Variants in PTPRZ1 observed in about 807,000 individuals in gnomAD.
PTPRZ1 encodes the protein protein tyrosine phosphatase receptor type Z1.
A neutral mutation model predicts 214.1 loss-of-function variants in PTPRZ1; 82 were observed. That is an observed-to-expected ratio of 0.38 (90% CI 0.32 to 0.46). The LOEUF (loss-of-function observed/expected upper bound fraction) is 0.46. PTPRZ1 is among the 20% of genes least tolerant of loss of function. The pLI is 1.00. For synonymous variants in PTPRZ1, 945 were observed against 987.9 expected (o/e 0.96, Z 0.81); for missense variants, 2,603 against 2,748.7 (o/e 0.95, Z 1.19).
chr7:121,976,408 A>G (rs911552915), intron 5 of PTPRZ1, 140 bp downstream of exon 5: 4 of 561,802 alleles, frequency 7.1e-6, no homozygotes, highest in Non-Finnish European at 1.2e-5. Context: ...TCAAAAAAAG[A>G]TGACCCTTGC....
intron 23 of PTPRZ1, among the ~76,000 whole-genome samples, chr7:122,047,585 A>T (rs949066421): frequency 2.0e-5 from 3 of 151,670 alleles, no homozygotes; most frequent in Non-Finnish European, 2.9e-5. Flanking sequence ...GGTTTCTATT[A>T]TCTGTGAAGA....
At chr7:122,050,165 G>A (rs143718329) in intron 23 of PTPRZ1, among the ~76,000 whole-genome samples, 66 of 151,976 alleles carry the variant, frequency 4.3e-4, no homozygotes, top group African/African-American at 1.5e-3. Flanking sequence ...ATATTGGGTT[G>A]GGCACAGTAG....
chr7:121,901,823 C>T (rs985035743), intron 1 of PTPRZ1, among the ~76,000 whole-genome samples: 2 of 152,136 alleles, frequency 1.3e-5, no homozygotes, highest in South Asian at 4.1e-4. Flanking sequence ...AGCATACCCA[C>T]CACCTCAAAC....
Position 122,010,911 on chromosome 7 carries a change from T to G in PTPRZ1, c.1865T>G (p.Leu622Arg), listed in dbSNP as rs776457457. The stretch of plus-strand genomic sequence containing the variant: ...CCAGAGACAATAACATATGATGTCC[T>G]TATACCAGAATCTGCTAGAAATGCT... The part of the protein sequence containing the change: ...ENPETITYDV[L>R]IPESARNASE... The change falls in exon 12 of 30, where the codon CTT (leucine) becomes CGT (arginine). Residue 622 changes from leucine (L) to arginine (R), a missense_variant. Physicochemically the swap from Leu to Arg is moderately radical, Grantham distance 102. This residue lies in a region of PTPRZ1 where 1,913 missense variants were observed against 1,914.3 expected (regional missense o/e 1.00). Transcript: ENST00000393386. 1 of 1,614,122 alleles carries G rather than the reference T, an allele frequency of 6.2e-7. No homozygotes were observed.
At chr7:122,001,761 G>A (rs1798332680) in intron 10 of PTPRZ1, among the ~76,000 whole-genome samples, 1 of 151,864 alleles carries the variant, frequency 6.6e-6, no homozygotes, top group African/African-American at 2.4e-5. Flanking sequence ...AACATTACAT[G>A]TGTCCCAAAA....
intron 1 of PTPRZ1, among the ~76,000 whole-genome samples, chr7:121,906,985 A>G (rs1159984140): frequency 1.3e-5 from 2 of 152,172 alleles, no homozygotes; most frequent in Admixed American, 6.6e-5. Flanking sequence ...TCACAGAACA[A>G]GATTCCTCGG....
chr7:121,912,778 G>A (rs1795316056), intron 1 of PTPRZ1, among the ~76,000 whole-genome samples: 1 of 152,090 alleles, frequency 6.6e-6, no homozygotes, highest in Non-Finnish European at 1.5e-5. Context: ...GTTAAAAGGT[G>A]AAGAGGAGGG....
intron 6 of PTPRZ1, among the ~76,000 whole-genome samples, chr7:121,979,630 C>T (rs1420889872): frequency 6.6e-6 from 1 of 152,050 alleles, no homozygotes; most frequent in African/African-American, 2.4e-5. Flanking sequence ...TTTTTTCTTC[C>T]ACCATTAGCC....
chr7:121,938,876 ACTGCTTTTATCTCAATAGTAGTAC>A (rs371846856), intron 2 of PTPRZ1, among the ~76,000 whole-genome samples: 164 of 152,246 alleles, frequency 1.1e-3, no homozygotes, highest in African/African-American at 3.7e-3. Flanking sequence ...TACTAGATGT[ACTGCTTTTATCTCAATAGTAGTAC>A]CTGCTTTTAT....
In PTPRZ1 at chr7:121,979,530, C is replaced by G. The variant is rs1050577704; in HGVS notation, c.619+2679C>G. ...TGACCCCATGCTAAATATCATTGTC[C>G]TAAGTAATAGGAGCTGGTTTTATGT... On this transcript the variant is annotated intron_variant, in intron 6 of 29. Coordinates refer to ENST00000393386, the MANE Select transcript of PTPRZ1 (RefSeq NM_002851.3). Among the ~76,000 whole-genome samples the G allele has an allele frequency of 4.6e-5, 7 of 152,158 alleles. No individual in the cohort carries two copies. In the East Asian group the frequency reaches 1.2e-3, roughly 25 times the overall value.
intron 13 of PTPRZ1, among the ~76,000 whole-genome samples, chr7:122,025,844 A>G (rs1799194526): frequency 6.6e-6 from 1 of 152,220 alleles, no homozygotes; most frequent in African/African-American, 2.4e-5. Context: ...AGCAGAATAG[A>G]TAAATACTGA....
chr7:121,915,238 T>C (rs367636291), intron 1 of PTPRZ1, among the ~76,000 whole-genome samples: 1 of 152,164 alleles, frequency 6.6e-6, no homozygotes, highest in Non-Finnish European at 1.5e-5. Flanking sequence ...CTCCAGCTAC[T>C]GTATTATTTG....
chr7:121,930,078 A>G (rs1352903839), intron 2 of PTPRZ1, among the ~76,000 whole-genome samples: 1 of 151,980 alleles, frequency 6.6e-6, no homozygotes, highest in Non-Finnish European at 1.5e-5. Flanking sequence ...AGCCATTTGC[A>G]CTATACCTCT....
At chr7:122,043,455 C>A (rs921990990) in intron 22 of PTPRZ1, among the ~76,000 whole-genome samples, 1 of 152,082 alleles carries the variant, frequency 6.6e-6, no homozygotes, top group Non-Finnish European at 1.5e-5. Context: ...ATTTTAAGCC[C>A]ATATAGTTTA....
At chr7:121,987,413 G>A (rs558694527) in intron 8 of PTPRZ1, among the ~76,000 whole-genome samples, 3 of 152,202 alleles carry the variant, frequency 2.0e-5, no homozygotes, top group African/African-American at 7.2e-5. Context: ...ATTTTCTTTT[G>A]GGTGTATACC....
rs944060395 is a variant in PTPRZ1 at position 121,905,625 on chromosome 7, C to A, written c.59-22531C>A. Among the ~76,000 whole-genome samples the A allele has an allele frequency of 2.5e-5, 3 of 117,946 alleles. No homozygotes were observed. In the South Asian group the frequency reaches 9.2e-4, roughly 36 times the overall value. The allele number at this position is 117,946 out of a possible 152,430, so 77.4% of individuals were successfully genotyped here. On this transcript the variant is annotated intron_variant, in intron 1 of 29. Transcript: ENST00000393386. ...AACACTTAACAGTGATTTCTGCACC[C>A]GGCCGAATTCTGGGTTCTATTCTTT...
intron 8 of PTPRZ1, among the ~76,000 whole-genome samples, chr7:121,989,592 T>G (rs1260677778): frequency 1.3e-5 from 2 of 152,170 alleles, no homozygotes; most frequent in African/African-American, 4.8e-5. Context: ...CAGGCTGGTC[T>G]TGAACTCCCG....
chr7:121,880,819 G>A (rs1794215899), intron 1 of PTPRZ1, among the ~76,000 whole-genome samples: 1 of 152,094 alleles, frequency 6.6e-6, no homozygotes, highest in African/African-American at 2.4e-5. Flanking sequence ...GATATGTCAA[G>A]GTGGTATTGT....
In PTPRZ1 at chr7:122,011,307, A is replaced by G. The variant is rs1424646950; in HGVS notation, c.2261A>G (p.Asn754Ser). The G allele has an allele frequency of 6.2e-7, 1 of 1,614,142 alleles. No individual in the cohort carries two copies. The highest frequency in any genetic ancestry group is 1.1e-5 in the South Asian group (1 of 91,084). Reference protein sequence around the residue: ...VYSQTTQPVYNGETPLQPSYS... With the variant: ...VYSQTTQPVYSGETPLQPSYS... ...TCGCAGACAACCCAACCGGTATACA[A>G]TGGTGAGACACCTCTTCAACCTTCC... The change falls in exon 12 of 30, where the codon AAT (asparagine) becomes AGT (serine). Residue 754 changes from asparagine (N) to serine (S), a missense_variant. Asn to Ser is a conservative substitution (Grantham distance 46). Transcript: ENST00000393386.
Sources: gnomAD v4.1 joint callset for allele counts (sites outside exome capture counted in the v4.1 genomes callset) on GRCh38, gnomAD v4.1.1 for gene constraint, gnomAD v4.1.1 regional missense constraint, MANE v1.5 for transcripts, NCBI Gene and HGNC (gene_info 2026-07-23, HGNC 2026-07-21) for gene names.